The following ADARB2 variants were observed in gnomAD, a reference collection of about 807,000 sequenced individuals.
ADARB2 encodes inactive double-stranded RNA-specific editase B2.
In ADARB2, 25 loss-of-function variants were observed where a neutral mutation model predicts 62.2. That is an observed-to-expected ratio of 0.40 (90% confidence interval 0.29 to 0.56). The LOEUF is 0.56. Ranked by LOEUF, ADARB2 falls within the 20% of genes least tolerant of loss-of-function variation. The pLI is 0.43. For synonymous variants in ADARB2, 572 were observed against 500.8 expected (o/e 1.14, Z -1.90); for missense variants, 1,071 against 1,077.4 (o/e 0.99, Z 0.08).
chr10:1,549,323 G>A (rs1409503490), intron 1 of ADARB2, among the ~76,000 whole-genome samples: 1 of 152,142 alleles, frequency 6.6e-6, no homozygotes, highest in Non-Finnish European at 1.5e-5. Context: ...AAAAAAATTC[G>A]ACTGTCTCTG....
intron 1 of ADARB2, among the ~76,000 whole-genome samples, chr10:1,579,706 A>C (rs1833069818): frequency 6.6e-6 from 1 of 152,252 alleles, no homozygotes; most frequent in Non-Finnish European, 1.5e-5. Flanking sequence ...CATGTGAGAA[A>C]GAGGAAGGAC....
chr10:1,570,840 A>C (rs375437170), intron 1 of ADARB2, among the ~76,000 whole-genome samples: 15 of 152,192 alleles, frequency 9.9e-5, no homozygotes, highest in African/African-American at 3.6e-4. Context: ...CGCATGCTGG[A>C]AACTTCCAGG....
At chr10:1,304,734 G>A (rs556739190) in intron 3 of ADARB2, among the ~76,000 whole-genome samples, 88 of 147,272 alleles carry the variant, frequency 6.0e-4, no homozygotes, top group African/African-American at 1.5e-3. Context: ...ACTCAAAACC[G>A]CTCAACTACA....
At chr10:1,736,993 G>T (rs965203023) in intron 1 of ADARB2, 58 bp downstream of exon 1, 3 of 1,565,060 alleles carry the variant, frequency 1.9e-6, no homozygotes, top group Non-Finnish European at 1.7e-6. Context: ...ATGAGAGGCC[G>T]GGGTGGAGAA....
At chr10:1,729,190 GCTAC>G (rs887834722) in intron 1 of ADARB2, among the ~76,000 whole-genome samples, 46 of 152,244 alleles carry the variant, frequency 3.0e-4, no homozygotes, top group African/African-American at 9.9e-4. Flanking sequence ...GTTAAATTAG[GCTAC>G]CTATGTTTTT....
intron 1 of ADARB2, among the ~76,000 whole-genome samples, chr10:1,697,944 C>T (rs994962830): frequency 6.6e-6 from 1 of 152,176 alleles, no homozygotes; most frequent in African/African-American, 2.4e-5. Flanking sequence ...CTGTGAGGAG[C>T]GGTTGGGAAT....
chr10:1,344,794 C>T (rs1383780606), intron 3 of ADARB2, among the ~76,000 whole-genome samples: 5 of 152,188 alleles, frequency 3.3e-5, no homozygotes, highest in Non-Finnish European at 7.3e-5. Context: ...AGGAGGTTGG[C>T]GTCAGCACCC....
At chr10:1,262,456 C>G (rs1047444068) in intron 4 of ADARB2, among the ~76,000 whole-genome samples, 1 of 151,870 alleles carries the variant, frequency 6.6e-6, no homozygotes, top group Admixed American at 6.6e-5. Context: ...TCAAACAACC[C>G]CATGAAAAAG....
At chr10:1,294,175 G>A (rs1483920292) in intron 3 of ADARB2, among the ~76,000 whole-genome samples, 2 of 152,192 alleles carry the variant, frequency 1.3e-5, no homozygotes, top group Non-Finnish European at 2.9e-5. Context: ...TTCCACCATT[G>A]AAGATGAGTG....
At chr10:1,327,449 G>A (rs368457734) in intron 3 of ADARB2, among the ~76,000 whole-genome samples, 3 of 20,518 alleles carry the variant, frequency 1.5e-4, no homozygotes, top group South Asian at 1.5e-3. Context: ...GCCTCCCCAC[G>A]GCCCAGCGCC....
At chr10:1,461,100 T>C (rs965522117) in intron 1 of ADARB2, among the ~76,000 whole-genome samples, 1 of 152,214 alleles carries the variant, frequency 6.6e-6, no homozygotes, top group Non-Finnish European at 1.5e-5. Flanking sequence ...TCAACTTCCT[T>C]AAAATCAGTA....
chr10:1,217,826 A>G (rs139319438), intron 6 of ADARB2, among the ~76,000 whole-genome samples: 3 of 151,838 alleles, frequency 2.0e-5, no homozygotes, highest in African/African-American at 7.3e-5. Context: ...TGTGTCCCCT[A>G]ATTACCAAGG....
At chr10:1,706,795 G>A (rs1834895073) in intron 1 of ADARB2, among the ~76,000 whole-genome samples, 2 of 152,278 alleles carry the variant, frequency 1.3e-5, no homozygotes, top group South Asian at 4.1e-4. Context: ...AGACAACACT[G>A]GCCTTATAAC....
At chr10:1,428,453 A>T (rs1054517769) in intron 1 of ADARB2, among the ~76,000 whole-genome samples, 6 of 150,606 alleles carry the variant, frequency 4.0e-5, no homozygotes, top group African/African-American at 1.5e-4. Flanking sequence ...CGCCCAGCTA[A>T]TTTTTTTGTA....
At chr10:1,301,653 G>T (rs927758499) in intron 3 of ADARB2, among the ~76,000 whole-genome samples, 5 of 152,064 alleles carry the variant, frequency 3.3e-5, no homozygotes, top group African/African-American at 1.2e-4. Context: ...GACTGCTTAG[G>T]ATTTAGAGTA....
intron 1 of ADARB2, among the ~76,000 whole-genome samples, chr10:1,554,403 G>C (rs879375380): frequency 6.6e-6 from 1 of 152,164 alleles, no homozygotes; most frequent in Non-Finnish European, 1.5e-5. Context: ...AACCATCAAT[G>C]AATGCTGTCT....
At chr10:1,294,232 G>C (rs551549432) in intron 3 of ADARB2, among the ~76,000 whole-genome samples, 1 of 152,184 alleles carries the variant, frequency 6.6e-6, no homozygotes, top group Non-Finnish European at 1.5e-5. Context: ...CTCCATCGGG[G>C]TGTGCTTGCA....
chr10:1,524,347 A>G (rs1472082758), intron 1 of ADARB2, among the ~76,000 whole-genome samples: 3 of 152,218 alleles, frequency 2.0e-5, no homozygotes, highest in Non-Finnish European at 4.4e-5. Flanking sequence ...TAACGTGTCC[A>G]ATACTCAGTA....
chr10:1,260,497 A>T (rs980556668), intron 4 of ADARB2, among the ~76,000 whole-genome samples: 2 of 151,570 alleles, frequency 1.3e-5, no homozygotes, highest in African/African-American at 4.8e-5. Flanking sequence ...AAGCATTCTT[A>T]TACACCAATA....
Sources: allele counts gnomAD v4.1 joint callset (sites outside exome capture counted in the v4.1 genomes callset), GRCh38; gene constraint gnomAD v4.1.1; transcripts MANE v1.5; gene names NCBI Gene and HGNC (gene_info 2026-07-23, HGNC 2026-07-21).